Variants in ARHGEF10 observed in about 807,000 individuals in gnomAD.
The protein encoded by ARHGEF10 is Rho guanine nucleotide exchange factor (GEF) 10.
ARHGEF10 carries 140 observed loss-of-function variants against 147.4 expected under a neutral mutation model. The ratio of observed to expected loss-of-function variants is 0.95; its 90% CI spans 0.83 to 1.09. The LOEUF (loss-of-function observed/expected upper bound fraction) is 1.09, where lower values mean the gene tolerates loss of function less well. Among genes scored for constraint, ARHGEF10 ranks in the 50% least tolerant of loss-of-function variants. The probability of loss-of-function intolerance (pLI) is 0.00; values close to 1 mark genes in which losing one functional copy is unlikely to be tolerated. For missense variants in ARHGEF10, 2,222 were observed against 1,752.7 expected (o/e 1.27, Z -4.78); for synonymous variants, 902 against 695.8 (o/e 1.30, Z -4.67).
chr8:1,923,827 T>C lies in ARHGEF10; in HGVS notation c.2441T>C (p.Ile814Thr). 1 of 1,614,172 alleles carries C rather than the reference T, an allele frequency of 6.2e-7. No homozygotes were observed. Among genetic ancestry groups the C allele is most frequent in the Non-Finnish European group, 8.5e-7 (1 of 1,180,024 alleles). ...TAVFNTFTPA[I>T]KESWVNSLQM... ...GTGTTCAATACGTTCACCCCTGCCA[T>C]CAAGGAGTCCTGGGTCAACAGCTTA... is the stretch of plus-strand genomic sequence containing the variant. The change falls in exon 21 of 29, where the codon ATC (isoleucine) becomes ACC (threonine). Residue 814 changes from isoleucine (I) to threonine (T), a missense_variant. By Grantham distance (89) the Ile-to-Thr change is moderately conservative. Transcript: ENST00000349830.
chr8:1,863,246 C>T (rs150628103), intron 4 of ARHGEF10, among the ~76,000 whole-genome samples: 17 of 152,242 alleles, frequency 1.1e-4, no homozygotes, highest in Middle Eastern at 3.4e-3. Flanking sequence ...GGATTTGCAG[C>T]GCTACCCGCA....
intron 2 of ARHGEF10, among the ~76,000 whole-genome samples, chr8:1,848,390 G>A (rs1306048033): frequency 6.6e-6 from 1 of 152,142 alleles, no homozygotes; most frequent in Non-Finnish European, 1.5e-5. Flanking sequence ...TCAGCTCTCC[G>A]ACTCCAGAAG....
chr8:1,870,637 A>G (rs1585331969), intron 7 of ARHGEF10: 1 of 152,250 alleles, frequency 6.6e-6, no homozygotes, highest in African/African-American at 2.4e-5. Flanking sequence ...ATGTTAAGCC[A>G]TAAGCAAGGA....
At chr8:1,845,315 T>A (rs1804472940) in intron 2 of ARHGEF10, among the ~76,000 whole-genome samples, 1 of 152,228 alleles carries the variant, frequency 6.6e-6, no homozygotes, top group Non-Finnish European at 1.5e-5. Flanking sequence ...CTCCCTGCTT[T>A]CTTTTTGGCA....
At chr8:1,952,199 G>C (rs905414302) in intron 27 of ARHGEF10, among the ~76,000 whole-genome samples, 14 of 152,212 alleles carry the variant, frequency 9.2e-5, no homozygotes, top group African/African-American at 2.7e-4. Context: ...CAGAGCCCTG[G>C]AGAGGCCGTT....
rs1190556718 is a variant in ARHGEF10, at chr8:1,889,608, G to A, written c.1182+3901G>A. On this transcript the variant is annotated intron_variant, in intron 11 of 28. Transcript: ENST00000349830. Reference sequence around the variant, plus strand: ...GGGTTTGTGAGGAGACACTGAGTGTGGGTGAGGGGTCTGTGAGGAGTCATG... The same window carrying A: ...GGGTTTGTGAGGAGACACTGAGTGTAGGTGAGGGGTCTGTGAGGAGTCATG... 4.2e-5 allele frequency among the ~76,000 whole-genome samples: 2 copies of A among 47,420 alleles called. 1 individual carries two copies. Among genetic ancestry groups the A allele is most frequent in the Non-Finnish European group, 7.1e-5 (2 of 28,184 alleles). The allele number at this position is 47,420 out of a possible 152,430, so 31.1% of individuals were successfully genotyped here. A position where few individuals can be genotyped will look rare whatever the true frequency, so the allele number is the denominator to read the frequency against.
At chr8:1,921,565 C>T (rs1237645291) in intron 18 of ARHGEF10, among the ~76,000 whole-genome samples, 5 of 152,040 alleles carry the variant, frequency 3.3e-5, no homozygotes, top group African/African-American at 1.2e-4. Context: ...TCTACTAAAC[C>T]TCTACTAAAA....
chr8:1,947,238 T>G (rs552637779), intron 27 of ARHGEF10, among the ~76,000 whole-genome samples: 252 of 152,288 alleles, frequency 1.7e-3, no homozygotes, highest in Middle Eastern at 3.4e-3. Context: ...GAGGGTGTTA[T>G]GAGAAAAACC....
chr8:1,952,559 G>T, intron 27 of ARHGEF10, 146 bp from the exon 28 acceptor site: 1 of 1,057,516 alleles, frequency 9.5e-7, no homozygotes, highest in Non-Finnish European at 1.4e-6. Context: ...CCTGGTGCTC[G>T]GGTTTGGGAA....
chr8:1,832,787 GAGAGAC>G (rs796299634), intron 1 of ARHGEF10, among the ~76,000 whole-genome samples: 11,782 of 37,902 alleles, frequency 0.31, 3,077 homozygotes, highest in Middle Eastern at 0.47. Flanking sequence ...CAGAGACAGA[GAGAGAC>G]AGAGGCAGAG....
intron 10 of ARHGEF10, among the ~76,000 whole-genome samples, chr8:1,884,219 C>T (rs1197323239): frequency 1.3e-5 from 2 of 152,022 alleles, no homozygotes; most frequent in Non-Finnish European, 2.9e-5. Context: ...CGGTGAAACC[C>T]CGTCTCTACT....
At position 1,859,893 on chromosome 8, in the gene ARHGEF10, C is replaced by T. The variant is rs1041759337; in HGVS notation, c.194-4C>T. ...CTGCTGACAAGTCCTTTCTGCATCC[C>T]CAGGAGGTGAGGATGGAGCTGGAGC... On this transcript the variant is annotated splice_polypyrimidine_tract_variant and splice_region_variant and intron_variant, in intron 3 of 28. Coordinates refer to ENST00000349830, the MANE Select transcript of ARHGEF10 (RefSeq NM_014629.4). The T allele has an allele frequency of 6.8e-6, 11 of 1,613,916 alleles. No homozygotes were observed. Among genetic ancestry groups the T allele is most frequent in the Non-Finnish European group, 9.3e-6 (11 of 1,179,998 alleles).
chr8:1,863,145 C>G (rs1806289158), intron 4 of ARHGEF10, among the ~76,000 whole-genome samples: 1 of 152,144 alleles, frequency 6.6e-6, no homozygotes, highest in Non-Finnish European at 1.5e-5. Flanking sequence ...TTGGAGCAGG[C>G]AGATTGGATT....
At chr8:1,865,429 C>T (rs1160516811) in intron 5 of ARHGEF10, among the ~76,000 whole-genome samples, 2 of 151,784 alleles carry the variant, frequency 1.3e-5, no homozygotes, top group Non-Finnish European at 2.9e-5. Flanking sequence ...CATCCCCCAG[C>T]ACCCAGGGGG....
At chr8:1,872,368 C>T (rs1807199824) in intron 7 of ARHGEF10, among the ~76,000 whole-genome samples, 1 of 152,174 alleles carries the variant, frequency 6.6e-6, no homozygotes, top group Non-Finnish European at 1.5e-5. Context: ...GTCGCATGCA[C>T]TGTTCCAGTG....
intron 28 of ARHGEF10, among the ~76,000 whole-genome samples, chr8:1,955,339 CACTGTGTT>C: frequency 6.6e-6 from 1 of 150,416 alleles, no homozygotes; most frequent in Non-Finnish European, 1.5e-5. Flanking sequence ...GAGGTGCACT[CACTGTGTT>C]TCTCTGGATG....
chr8:1,912,155 G>T (rs1282877595), intron 18 of ARHGEF10, among the ~76,000 whole-genome samples: 1 of 152,068 alleles, frequency 6.6e-6, no homozygotes, highest in African/African-American at 2.4e-5. Flanking sequence ...GGAGCTCCCT[G>T]TCCCTGCAAA....
Position 1,929,435 on chromosome 8 carries a change from G to C in ARHGEF10, c.3071G>C (p.Arg1024Thr). The C allele has an allele frequency of 6.2e-7, 1 of 1,608,390 alleles. No individual in the cohort carries two copies. Among genetic ancestry groups the C allele is most frequent in the Non-Finnish European group, 8.5e-7 (1 of 1,177,282 alleles). ...LVNGAVASYA[R>T]APDGSWDSEP... Reference sequence around the variant, plus strand: ...AACGGGGCAGTCGCCAGCTACGCCAGAGCCCCAGGTGAGGCGGGTCTCACG... The same window carrying C: ...AACGGGGCAGTCGCCAGCTACGCCACAGCCCCAGGTGAGGCGGGTCTCACG... Residue 1024 changes from arginine (R) to threonine (T), a missense_variant, in exon 25 of 29, where the codon AGA (arginine) becomes ACA (threonine). Arg to Thr is a moderately conservative substitution (Grantham distance 71, BLOSUM62 -1). Transcript: ENST00000349830.
At chr8:1,912,978 C>A (rs1470896286) in intron 18 of ARHGEF10, among the ~76,000 whole-genome samples, 1 of 152,148 alleles carries the variant, frequency 6.6e-6, no homozygotes, top group African/African-American at 2.4e-5. Flanking sequence ...TGCGCTCCAT[C>A]CTGTCTGGCA....
Sources: gnomAD v4.1 joint callset for allele counts (sites outside exome capture counted in the v4.1 genomes callset) on GRCh38, gnomAD v4.1.1 for gene constraint, MANE v1.5 for transcripts, NCBI Gene and HGNC (gene_info 2026-07-23, HGNC 2026-07-21) for gene names.